Variants in EPB41L2 observed in about 807,000 individuals in gnomAD.
The protein encoded by EPB41L2 is erythrocyte membrane protein band 4.1 like 2.
EPB41L2 carries 43 observed loss-of-function variants against 113.0 expected under a neutral mutation model. That is an observed-to-expected ratio of 0.38 (90% CI 0.30 to 0.49). The LOEUF is 0.49. EPB41L2 is among the 20% of genes least tolerant of loss of function. The pLI is 0.95. For synonymous variants in EPB41L2, 442 were observed against 436.7 expected, an observed-to-expected ratio of 1.01 and a Z score of -0.15; for missense variants, 1,147 against 1,223.4, an observed-to-expected ratio of 0.94 and a Z score of 0.93.
At chr6:130,981,885 A>G (rs945304124) in intron 1 of EPB41L2, among the ~76,000 whole-genome samples, 4 of 152,100 alleles carry the variant, frequency 2.6e-5, no homozygotes, top group Admixed American at 2.0e-4. Flanking sequence ...AACCAAAATT[A>G]TGCTAAAATA....
intron 19 of EPB41L2, among the ~76,000 whole-genome samples, chr6:130,844,534 G>A (rs1776414627): frequency 6.6e-6 from 1 of 152,136 alleles, no homozygotes; most frequent in Non-Finnish European, 1.5e-5. Context: ...TCGTGCCACT[G>A]TACTCCAGCC....
intron 19 of EPB41L2, among the ~76,000 whole-genome samples, chr6:130,853,249 T>C (rs1283785276): frequency 2.0e-5 from 3 of 152,194 alleles, no homozygotes; most frequent in Non-Finnish European, 2.9e-5. Context: ...GGAGGCTTCA[T>C]TCACTTTTTT....
chr6:130,960,034 ACTGT>A (rs1818812063), intron 1 of EPB41L2, among the ~76,000 whole-genome samples: 1 of 152,354 alleles, frequency 6.6e-6, no homozygotes, highest in African/African-American at 2.4e-5. Flanking sequence ...CTCACTGTTT[ACTGT>A]CTGACACAGT....
chr6:131,036,494 G>A (rs1793342570), intron 1 of EPB41L2, among the ~76,000 whole-genome samples: 1 of 152,142 alleles, frequency 6.6e-6, no homozygotes, highest in Non-Finnish European at 1.5e-5. Flanking sequence ...AAGAGTAAGA[G>A]GATGAAAACC....
chr6:131,017,470 TCA>T lies in EPB41L2; in HGVS notation c.-15+45683_-15+45684del, dbSNP rs374333343. Among the ~76,000 whole-genome samples the T allele has an allele frequency of 3.3e-3, 505 of 152,328 alleles. 1 individual carries two copies. The highest frequency in any genetic ancestry group is 0.012 in the African/African-American group (487 of 41,574). On this transcript the variant is annotated intron_variant, in intron 1 of 19. Transcript: ENST00000337057. ...TATTTTATATAAATTCTCACCATAT[TCA>T]CAGTTTTTTTGTATTTTAGTACATT... is the stretch of plus-strand genomic sequence containing the variant.
rs1480502040 is a variant in EPB41L2 at position 130,867,972 on chromosome 6, A to ACACACACACT, written c.2608-392_2608-391insAGTGTGTGTG. 4.3e-3 allele frequency: 324 copies of ACACACACACT among 75,500 alleles called. 1 individual carries two copies. The highest frequency in any genetic ancestry group is 0.014 in the Middle Eastern group (2 of 140). The allele number at this position is 75,500 out of a possible 1,614,324, so 4.7% of individuals were successfully genotyped here. On this transcript the variant is annotated intron_variant, in intron 15 of 19. Transcript: ENST00000337057. ...CACACACACACACACACACACACAC[A>ACACACACACT]CTCTCTCTCTCTCTCTCTCTCTCTC...
At chr6:130,915,971 A>G (rs1800923557) in intron 4 of EPB41L2, among the ~76,000 whole-genome samples, 1 of 152,194 alleles carries the variant, frequency 6.6e-6, no homozygotes, top group Non-Finnish European at 1.5e-5. Context: ...GCAGTATGAA[A>G]ACAGACTAAT....
chr6:130,861,318 C>T (rs569258233), intron 18 of EPB41L2, among the ~76,000 whole-genome samples: 22 of 152,180 alleles, frequency 1.4e-4, no homozygotes, highest in African/African-American at 4.6e-4. Context: ...GTGATCTGCC[C>T]ACCTCGGCCT....
In EPB41L2 at chr6:130,892,403, C is replaced by CTTT. The variant is rs60350565; in HGVS notation, c.1487+1938_1488-1938dup. Among the ~76,000 whole-genome samples the CTTT allele has an allele frequency of 6.7e-4, 62 of 92,632 alleles. 3 individuals carry two copies. The highest frequency in any genetic ancestry group is 2.0e-3 in the African/African-American group (59 of 28,918). 60.8% of individuals were successfully genotyped at this position (92,632 alleles called of 152,430 possible). On this transcript the variant is annotated intron_variant, in intron 10 of 19. Coordinates refer to ENST00000337057, the MANE Select transcript of EPB41L2 (RefSeq NM_001431.4). ...CTTGCCATTTCTGAACAGATTATTG[C>CTTT]TTTTTTTTTTTTTTTTTTTATCATT...
chr6:131,040,159 C>T (rs561326806), intron 1 of EPB41L2, among the ~76,000 whole-genome samples: 47 of 152,240 alleles, frequency 3.1e-4, no homozygotes, highest in African/African-American at 1.1e-3. Context: ...AGATGGTGGC[C>T]GGGTGCAGTG....
chr6:130,883,268 G>C (rs1789884682), intron 12 of EPB41L2: 1 of 152,576 alleles, frequency 6.6e-6, no homozygotes, highest in Non-Finnish European at 1.5e-5. Flanking sequence ...AAGAAAAAAT[G>C]AGTAGTTAGT....
intron 4 of EPB41L2, among the ~76,000 whole-genome samples, chr6:130,923,542 TG>T (rs1207030376): frequency 3.3e-5 from 5 of 152,188 alleles, no homozygotes; most frequent in African/African-American, 1.2e-4. Context: ...GCCTCGTGTA[TG>T]TGCTTCCCAT....
chr6:130,852,698 G>A (rs879450760), intron 19 of EPB41L2, among the ~76,000 whole-genome samples: 7 of 152,118 alleles, frequency 4.6e-5, no homozygotes, highest in African/African-American at 1.7e-4. Context: ...TCAAACACAG[G>A]AGGAGCAACC....
intron 1 of EPB41L2, among the ~76,000 whole-genome samples, chr6:131,048,236 C>T (rs1795879837): frequency 1.3e-5 from 2 of 149,432 alleles, no homozygotes; most frequent in Non-Finnish European, 3.0e-5. Flanking sequence ...AAAAATTATA[C>T]AACATCAACT....
intron 1 of EPB41L2, among the ~76,000 whole-genome samples, chr6:130,975,686 G>GA (rs1304551955): frequency 2.6e-5 from 4 of 152,040 alleles, no homozygotes; most frequent in Non-Finnish European, 2.9e-5. Flanking sequence ...CAATTTTCTG[G>GA]AAAAAAACTA....
intron 3 of EPB41L2, among the ~76,000 whole-genome samples, chr6:130,932,513 C>G (rs1292179965): frequency 1.3e-5 from 2 of 152,178 alleles, no homozygotes; most frequent in African/African-American, 4.8e-5. Context: ...CACTTACTGA[C>G]TTATCAAGAC....
chr6:130,924,680 A>C (rs965133073), intron 4 of EPB41L2, among the ~76,000 whole-genome samples: 2 of 151,992 alleles, frequency 1.3e-5, no homozygotes, highest in African/African-American at 4.8e-5. Context: ...ATGCCCGGCC[A>C]CTAGTTCTAT....
At chr6:130,891,537 C>T (rs997379541) in intron 10 of EPB41L2, among the ~76,000 whole-genome samples, 1 of 152,144 alleles carries the variant, frequency 6.6e-6, no homozygotes, top group African/African-American at 2.4e-5. Context: ...CAACCTCCGC[C>T]TCCCGGGTTC....
chr6:130,981,188 T>C (rs983464900), intron 1 of EPB41L2, among the ~76,000 whole-genome samples: 2 of 152,212 alleles, frequency 1.3e-5, no homozygotes, highest in Non-Finnish European at 2.9e-5. Context: ...TCTTACATAG[T>C]AACTTGATTT....
Sources: gnomAD v4.1 joint callset for allele counts (sites outside exome capture counted in the v4.1 genomes callset) on GRCh38, gnomAD v4.1.1 for gene constraint, MANE v1.5 for transcripts, NCBI Gene and HGNC (gene_info 2026-07-23, HGNC 2026-07-21) for gene names.